UGDH: variants seen among roughly 807,000 people sequenced by gnomAD.
The protein encoded by UGDH is UDP-Glc dehydrogenase.
UGDH carries 38 observed loss-of-function variants against 50.6 expected under a neutral mutation model. That is an observed-to-expected ratio of 0.75 (90% confidence interval 0.58 to 0.98). UGDH has a LOEUF of 0.98. Among genes scored for constraint, UGDH ranks in the 50% least tolerant of loss-of-function variants. UGDH has a pLI of 0.00. For missense variants in UGDH, 465 were observed against 606.2 expected, an observed-to-expected ratio of 0.77 and a Z score of 2.45; for synonymous variants, 168 against 199.9, an observed-to-expected ratio of 0.84 and a Z score of 1.35.
intron 2 of UGDH, among the ~76,000 whole-genome samples, chr4:39,519,653 C>T (rs1207894669): frequency 6.6e-6 from 1 of 152,108 alleles, no homozygotes. Context: ...ATTCTCCTGC[C>T]TCAGCCTCCC....
chr4:39,506,656 T>C (rs1489505065), intron 7 of UGDH, among the ~76,000 whole-genome samples: 1 of 152,202 alleles, frequency 6.6e-6, no homozygotes, highest in African/African-American at 2.4e-5. Context: ...AAATTTAGGT[T>C]GGTAACCGGG....
intron 2 of UGDH, among the ~76,000 whole-genome samples, chr4:39,520,114 C>T (rs4389589): frequency 0.21 from 31,943 of 151,778 alleles, 5,128 homozygotes; most frequent in African/African-American, 0.43. Flanking sequence ...CGAGGAGGGG[C>T]GATCCCCTGA....
intron 1 of UGDH, among the ~76,000 whole-genome samples, chr4:39,521,999 G>A (rs556729256): frequency 7.1e-6 from 1 of 140,894 alleles, no homozygotes; most frequent in Admixed American, 6.8e-5. Flanking sequence ...TCCAGAATTG[G>A]CCTCTGATGA....
chr4:39,520,313 T>C lies in UGDH; in HGVS notation c.162+1038A>G, dbSNP rs111692216. On this transcript the variant is annotated intron_variant, in intron 2 of 11. Coordinates refer to ENST00000316423, the MANE Select transcript of UGDH (RefSeq NM_003359.4). ...AAGTTCGGGCCATTGCACTCCAGCTTGGGCAACAAGAGTGAAACTCCGTCT... is the reference window on the plus strand; with the variant it reads ...AAGTTCGGGCCATTGCACTCCAGCTCGGGCAACAAGAGTGAAACTCCGTCT... 9.7e-3 allele frequency among the ~76,000 whole-genome samples: 1,483 copies of C among 152,286 alleles called. 22 individuals are homozygous for C. The highest frequency in any genetic ancestry group is 0.032 in the African/African-American group (1,339 of 41,564).
chr4:39,515,340 T>C (rs1746401214), intron 2 of UGDH, among the ~76,000 whole-genome samples: 1 of 152,222 alleles, frequency 6.6e-6, no homozygotes, highest in Admixed American at 6.5e-5. Flanking sequence ...GATTTTGCAT[T>C]GTCATTATGA....
At chr4:39,507,650 A>T (rs1049682081) in intron 7 of UGDH, among the ~76,000 whole-genome samples, 1 of 152,148 alleles carries the variant, frequency 6.6e-6, no homozygotes, top group African/African-American at 2.4e-5. Context: ...TATGCCTTTC[A>T]AGATAGAGAA....
Position 39,520,857 on chromosome 4 carries a change from T to C in UGDH, c.162+494A>G, listed in dbSNP as rs28437110. On this transcript the variant is annotated intron_variant, in intron 2 of 11. Coordinates refer to ENST00000316423, the MANE Select transcript of UGDH (RefSeq NM_003359.4). ...GGGAGGCCGGGGCGGGCAGATCACC[T>C]GAGTTCAGGAGCTCAAGACCAGCCT... Among the ~76,000 whole-genome samples, 1,311 of 151,864 alleles carry C rather than the reference T, an allele frequency of 8.6e-3. 16 individuals are homozygous for C. Among genetic ancestry groups the C allele is most frequent in the African/African-American group, 0.03 (1,239 of 41,496 alleles).
chr4:39,500,188 C>A lies in UGDH; in HGVS notation c.1440G>T (p.Pro480=). The part of the protein sequence containing the change: ...RIPYAPSGEI[P]KFSLQDPPNK... ...TAGGTGGATCTTGAAGACTAAACTT[C>A]GGAATTTCACCAGAAGGAGCATATG... Residue 480 remains proline, a synonymous_variant, in exon 12 of 12, where the codon CCG becomes CCT. Coordinates refer to ENST00000316423, the MANE Select transcript of UGDH (RefSeq NM_003359.4). The A allele has an allele frequency of 6.2e-7, 1 of 1,603,644 alleles. No individual in the cohort carries two copies. Among genetic ancestry groups the A allele is most frequent in the Non-Finnish European group, 8.5e-7 (1 of 1,174,680 alleles).
In UGDH at chr4:39,501,538, G is replaced by A. The variant is rs545771936; in HGVS notation, c.1375-1285C>T. 2.6e-5 allele frequency among the ~76,000 whole-genome samples: 4 copies of A among 152,260 alleles called. No individual in the cohort carries two copies. The South Asian group carries it at 8.3e-4, about 32-fold the overall frequency. Reference sequence around the variant, plus strand: ...TCCGCCCGCCTCGGCCTCCCAAAGTGCTGGGATTACAGGCGTGAGCCACCG... The same window carrying A: ...TCCGCCCGCCTCGGCCTCCCAAAGTACTGGGATTACAGGCGTGAGCCACCG... On this transcript the variant is annotated intron_variant, in intron 11 of 11. Coordinates refer to ENST00000316423, the MANE Select transcript of UGDH (RefSeq NM_003359.4).
At chr4:39,508,468 A>C in intron 7 of UGDH, 98 bp downstream of exon 7, 4 of 1,213,728 alleles carry the variant, frequency 3.3e-6, no homozygotes, top group Non-Finnish European at 4.7e-6. Flanking sequence ...TCCTGGCCTC[A>C]AGTGATGCTC....
intron 9 of UGDH, 133 bp from the exon 10 acceptor site, chr4:39,504,641 C>A: frequency 1.3e-6 from 1 of 778,210 alleles, no homozygotes; most frequent in Non-Finnish European, 2.1e-6. Flanking sequence ...GAGTACTGAA[C>A]CCTATATATA....
Position 39,500,100 on chromosome 4 carries a change from A to C in UGDH, c.*43T>G. Reference sequence around the variant, plus strand: ...AGATAGATATTTGCTATCCTGAAGTACCAAAAAAAAAAAAAAAAAATCACA... The same window carrying C: ...AGATAGATATTTGCTATCCTGAAGTCCCAAAAAAAAAAAAAAAAAATCACA... On this transcript the variant is annotated 3_prime_UTR_variant, in exon 12 of 12. Coordinates refer to ENST00000316423, the MANE Select transcript of UGDH (RefSeq NM_003359.4). The C allele has an allele frequency of 9.0e-7, 1 of 1,107,122 alleles. No homozygotes were observed. The highest frequency in any genetic ancestry group is 1.6e-5 in the South Asian group (1 of 64,286). The allele number at this position is 1,107,122 out of a possible 1,614,324, so 68.6% of individuals were successfully genotyped here. A position where few individuals can be genotyped will look rare whatever the true frequency, so the allele number is the denominator to read the frequency against.
chr4:39,509,809 C>A lies in UGDH; in HGVS notation c.762G>T (p.Ala254=), dbSNP rs151082046. The change falls in exon 6 of 12, where the codon GCG becomes GCT. Residue 254 remains alanine, a synonymous_variant. Coordinates refer to ENST00000316423, the MANE Select transcript of UGDH (RefSeq NM_003359.4). ...TTCCAATTCTCTGGTCCATTCCAAT[C>A]GCTGTTGCTACCTCTTCTACATCAG... is the stretch of plus-strand genomic sequence containing the variant. ...TGADVEEVAT[A]IGMDQRIGNK... is the part of the protein sequence containing the mutation. 6.2e-7 allele frequency: 1 copy of A among 1,613,288 alleles called. No homozygotes were observed.
rs746666529 is a variant in UGDH at position 39,510,876 on chromosome 4, T to C, written c.265-15A>G. ...GGAGTATTCACCTGATGTAAGTATA[T>C]GGGATAAAGAACAGAGTGCCTGTGA... On this transcript the variant is annotated splice_polypyrimidine_tract_variant and intron_variant, in intron 3 of 11. Transcript: ENST00000316423. 9 of 1,613,804 alleles carry C rather than the reference T, an allele frequency of 5.6e-6. No homozygotes were observed. Among genetic ancestry groups the C allele is most frequent in the African/African-American group, 4.0e-5 (3 of 74,942 alleles).
chr4:39,519,641 C>T (rs1280760721), intron 2 of UGDH, among the ~76,000 whole-genome samples: 3 of 151,944 alleles, frequency 2.0e-5, no homozygotes, highest in South Asian at 2.1e-4. Context: ...TGGGTACAAG[C>T]GATTCTCCTG....
intron 7 of UGDH, among the ~76,000 whole-genome samples, chr4:39,507,984 G>A (rs10027310): frequency 0.22 from 32,790 of 149,944 alleles, 5,656 homozygotes; most frequent in African/African-American, 0.46. Context: ...TATAATTAAG[G>A]ATAATTGTTT....
rs1223785252 is a variant in UGDH at position 39,525,474 on chromosome 4, G to A, written c.-8+1809C>T. On this transcript the variant is annotated intron_variant, in intron 1 of 11. Transcript: ENST00000316423. ...CTCCCAAAGTGCTGGGATTACAGGC[G>A]TGAGCCACTGCGCCCAGCCCCATTT... Among the ~76,000 whole-genome samples the A allele has an allele frequency of 4.6e-5, 7 of 151,608 alleles. No individual in the cohort carries two copies. The East Asian group carries it at 5.9e-4, about 13-fold the overall frequency.
Position 39,510,783 on chromosome 4 carries a change from G to A in UGDH, c.343C>T (p.Arg115Cys), listed in dbSNP as rs140504706. 616 of 1,614,134 alleles carry A rather than the reference G, an allele frequency of 3.8e-4. 2 individuals are homozygous for A. Among genetic ancestry groups the A allele is most frequent in the Non-Finnish European group, 1.4e-4 (166 of 1,180,040 alleles). ...TACCCATTTGAGTTTTGCACAATGC[G>A]TCTAGCACAAGCTTCAATATACTTC... ...DLKYIEACARRIVQNSNGYKI... is the reference protein window; with the variant it reads ...DLKYIEACARCIVQNSNGYKI... Residue 115 changes from arginine (R) to cysteine (C), a missense_variant, in exon 4 of 12, where the codon CGC (arginine) becomes TGC (cysteine). Coordinates refer to ENST00000316423, the MANE Select transcript of UGDH (RefSeq NM_003359.4).
intron 2 of UGDH, among the ~76,000 whole-genome samples, chr4:39,519,098 G>C (rs1232775451): frequency 6.6e-6 from 1 of 151,992 alleles, no homozygotes; most frequent in African/African-American, 2.4e-5. Context: ...TGTATTTTTA[G>C]TAGAGACGAG....
Sources: allele counts gnomAD v4.1 joint callset (sites outside exome capture counted in the v4.1 genomes callset), GRCh38; gene constraint gnomAD v4.1.1; transcripts MANE v1.5; gene names NCBI Gene and HGNC (gene_info 2026-07-23, HGNC 2026-07-21).